VMP1: variants seen among roughly 807,000 people sequenced by gnomAD.
VMP1 encodes the protein ectopic P-granules autophagy protein 3 homolog.
VMP1 carries 11 observed loss-of-function variants against 56.0 expected under a neutral mutation model. The observed-to-expected ratio is 0.20, with a 90% CI of 0.12 to 0.32. The LOEUF is 0.32. Ranked by LOEUF, VMP1 falls within the 10% of genes least tolerant of loss-of-function variation. The pLI is 1.00. For synonymous variants in VMP1, 149 were observed against 165.0 expected, an observed-to-expected ratio of 0.90 and a Z score of 0.74; for missense variants, 296 against 490.3, an observed-to-expected ratio of 0.60 and a Z score of 3.74.
At chr17:59,778,594 G>A (rs1209029924) in intron 7 of VMP1, among the ~76,000 whole-genome samples, 3 of 151,798 alleles carry the variant, frequency 2.0e-5, no homozygotes, top group East Asian at 1.9e-4. Context: ...AGCTATGTGC[G>A]TACAGGCCAG....
At chr17:59,778,306 AGAGGCAGGCGGATCAT>A (rs1387580035) in intron 7 of VMP1, among the ~76,000 whole-genome samples, 1 of 151,984 alleles carries the variant, frequency 6.6e-6, no homozygotes, top group Non-Finnish European at 1.5e-5. Flanking sequence ...TTTGGGAGGC[AGAGGCAGGCGGATCAT>A]GAGGTCAGGA....
chr17:59,753,268 T>C (rs920086695), intron 5 of VMP1, among the ~76,000 whole-genome samples: 4 of 151,458 alleles, frequency 2.6e-5, no homozygotes, highest in Admixed American at 2.6e-4. Context: ...TGAGACCCTG[T>C]CTCAAGAAAA....
chr17:59,720,195 C>T (rs1328227956), intron 1 of VMP1, among the ~76,000 whole-genome samples: 2 of 152,230 alleles, frequency 1.3e-5, no homozygotes, highest in Non-Finnish European at 2.9e-5. Context: ...AGGAATCTCA[C>T]TGACATTGTA....
chr17:59,811,020 CTG>C (rs998204063), intron 8 of VMP1, among the ~76,000 whole-genome samples: 1 of 152,206 alleles, frequency 6.6e-6, no homozygotes, highest in Non-Finnish European at 1.5e-5. Context: ...ACATCTGAAT[CTG>C]TGTGATCTCA....
At chr17:59,795,332 G>A (rs1374674129) in intron 7 of VMP1, among the ~76,000 whole-genome samples, 1 of 151,564 alleles carries the variant, frequency 6.6e-6, no homozygotes, top group Non-Finnish European at 1.5e-5. Context: ...GGTCAGGCTG[G>A]TCTCGAACTC....
At chr17:59,714,924 C>T (rs1464869404) in intron 1 of VMP1, among the ~76,000 whole-genome samples, 1 of 152,154 alleles carries the variant, frequency 6.6e-6, no homozygotes, top group Non-Finnish European at 1.5e-5. Context: ...TCAAGTGATC[C>T]TCTCACCTTG....
rs189906477 is a variant in VMP1, at chr17:59,824,108, G to C, written c.974+6335G>C. 2.8e-3 allele frequency among the ~76,000 whole-genome samples: 432 copies of C among 151,936 alleles called. 3 individuals carry two copies. The highest frequency in any genetic ancestry group is 9.4e-3 in the African/African-American group (389 of 41,460). On this transcript the variant is annotated intron_variant, in intron 10 of 11. Coordinates refer to ENST00000262291, the MANE Select transcript of VMP1 (RefSeq NM_030938.5). ...TCCACTAAACATACAAAAATTAGCC[G>C]GGCATGGTGGCAGGCACCTGTCGTC...
chr17:59,836,363 C>G (rs2038981741), intron 10 of VMP1, among the ~76,000 whole-genome samples: 1 of 151,702 alleles, frequency 6.6e-6, no homozygotes, highest in South Asian at 2.1e-4. Context: ...ATTCTCAGCT[C>G]ATTTTTGTAT....
At chr17:59,805,806 T>C (rs2037824885) in intron 7 of VMP1, among the ~76,000 whole-genome samples, 3 of 152,248 alleles carry the variant, frequency 2.0e-5, no homozygotes, top group African/African-American at 7.2e-5. Context: ...TTAATGCTGA[T>C]AGAAAAATAT....
chr17:59,713,974 G>C (rs1313834680), intron 1 of VMP1, among the ~76,000 whole-genome samples: 1 of 148,900 alleles, frequency 6.7e-6, no homozygotes, highest in Non-Finnish European at 1.5e-5. Flanking sequence ...CCGGGAGGCA[G>C]AGGTTGCAGT....
At chr17:59,838,689 T>C (rs1568242782) in intron 11 of VMP1, 1 of 302,734 alleles carries the variant, frequency 3.3e-6, no homozygotes. Flanking sequence ...TTGGTAGATA[T>C]ACTTCCCAAG....
intron 1 of VMP1, among the ~76,000 whole-genome samples, chr17:59,710,828 T>C (rs1204202306): frequency 6.6e-6 from 1 of 152,112 alleles, no homozygotes; most frequent in African/African-American, 2.4e-5. Flanking sequence ...CCCAGCACTT[T>C]GGGAGGCCGA....
At chr17:59,736,317 C>T (rs1001735600) in intron 3 of VMP1, among the ~76,000 whole-genome samples, 14 of 143,604 alleles carry the variant, frequency 9.7e-5, no homozygotes, top group African/African-American at 3.1e-4. Flanking sequence ...GCAGGAGAAT[C>T]GCTTGAACGT....
At chr17:59,784,309 A>G (rs998237797) in intron 7 of VMP1, among the ~76,000 whole-genome samples, 9 of 152,072 alleles carry the variant, frequency 5.9e-5, no homozygotes, top group African/African-American at 1.7e-4. Context: ...AACTTTGCCT[A>G]GTGTGTCATT....
intron 1 of VMP1, among the ~76,000 whole-genome samples, chr17:59,716,471 T>G (rs1008220495): frequency 6.6e-5 from 10 of 152,172 alleles, no homozygotes; most frequent in African/African-American, 2.2e-4. Context: ...TGTGTGTATA[T>G]GTGACTCTGG....
chr17:59,761,161 A>G (rs2036039756), intron 5 of VMP1, among the ~76,000 whole-genome samples: 1 of 152,146 alleles, frequency 6.6e-6, no homozygotes, highest in Non-Finnish European at 1.5e-5. Context: ...TTGGCCTCCC[A>G]AAGTGCTGGG....
chr17:59,753,884 A>G (rs1351605734), intron 5 of VMP1, among the ~76,000 whole-genome samples: 1 of 152,202 alleles, frequency 6.6e-6, no homozygotes, highest in Admixed American at 6.5e-5. Context: ...GCAGTTTGGA[A>G]GTAGAAAAGT....
At chr17:59,722,672 C>G (rs576893977) in intron 1 of VMP1, among the ~76,000 whole-genome samples, 1 of 152,238 alleles carries the variant, frequency 6.6e-6, no homozygotes, top group South Asian at 2.1e-4. Flanking sequence ...GAAACCCCAT[C>G]TCTACTAAAA....
intron 7 of VMP1, among the ~76,000 whole-genome samples, chr17:59,807,199 G>GTTT (rs376878801): frequency 7.5e-6 from 1 of 132,634 alleles, no homozygotes; most frequent in African/African-American, 2.8e-5. Context: ...TTGTTTTTTT[G>GTTT]TTTTTTTTTT....
Sources: allele counts gnomAD v4.1 joint callset (sites outside exome capture counted in the v4.1 genomes callset), GRCh38; gene constraint gnomAD v4.1.1; transcripts MANE v1.5; gene names NCBI Gene and HGNC (gene_info 2026-07-23, HGNC 2026-07-21).